Variants in EIF3H observed in about 807,000 individuals in gnomAD.
EIF3H encodes eIF-3-gamma.
Under a neutral mutation model 44.2 loss-of-function variants are expected in EIF3H, and 26 were observed. The observed-to-expected ratio is 0.59, with a 90% CI of 0.43 to 0.82. The LOEUF is 0.82. Ranked by LOEUF, EIF3H falls within the 40% of genes least tolerant of loss-of-function variation. The pLI, the probability that EIF3H is intolerant of heterozygous loss-of-function variation, is 0.00. For missense variants in EIF3H, 359 were observed against 432.8 expected (o/e 0.83, Z 1.51); for synonymous variants, 166 against 151.9 (o/e 1.09, Z -0.68).
intron 2 of EIF3H, among the ~76,000 whole-genome samples, chr8:116,684,730 C>A (rs535749337): frequency 6.6e-6 from 1 of 152,236 alleles, no homozygotes; most frequent in South Asian, 2.1e-4. Context: ...TTGAACTGTA[C>A]ACATACACTA....
At chr8:116,697,274 T>A (rs1277138876) in intron 2 of EIF3H, 1 of 441,692 alleles carries the variant, frequency 2.3e-6, no homozygotes, top group Non-Finnish European at 4.5e-6. Flanking sequence ...AAGAATAGAT[T>A]TTTAGGGGTT....
chr8:116,668,457 A>C (rs561762187), intron 2 of EIF3H, among the ~76,000 whole-genome samples: 1 of 152,324 alleles, frequency 6.6e-6, no homozygotes, highest in East Asian at 1.9e-4. Flanking sequence ...ACAATGTTAA[A>C]GAAGTACATA....
chr8:116,647,032 A>G (rs969532897), intron 6 of EIF3H, among the ~76,000 whole-genome samples: 1 of 152,188 alleles, frequency 6.6e-6, no homozygotes, highest in African/African-American at 2.4e-5. Context: ...ACCTAAAATA[A>G]CAATACAGAT....
intron 2 of EIF3H, among the ~76,000 whole-genome samples, chr8:116,701,677 A>G (rs913720916): frequency 2.0e-5 from 3 of 152,228 alleles, no homozygotes; most frequent in Non-Finnish European, 4.4e-5. Context: ...TCTTCCCTAC[A>G]ATCATGAGAA....
chr8:116,734,240 G>T, intron 1 of EIF3H: 1 of 454,036 alleles, frequency 2.2e-6, no homozygotes, highest in South Asian at 1.6e-5. Context: ...TAAGAAAAGG[G>T]GAAATGTAAC....
chr8:116,687,094 A>G (rs1409049442), intron 2 of EIF3H, among the ~76,000 whole-genome samples: 1 of 152,176 alleles, frequency 6.6e-6, no homozygotes, highest in East Asian at 1.9e-4. Context: ...ACTAAAAAGG[A>G]AAAGACTTGG....
In EIF3H at chr8:116,648,769, G is replaced by A. The variant is rs371761192; in HGVS notation, c.828+37C>T. The A allele has an allele frequency of 7.7e-5, 119 of 1,550,338 alleles. No individual in the cohort carries two copies. The African/African-American group carries it at 1.5e-3, about 20-fold the overall frequency. On this transcript the variant is annotated intron_variant, in intron 6 of 7. Coordinates refer to ENST00000521861, the MANE Select transcript of EIF3H (RefSeq NM_003756.3). ...TGACTCTTGAAATACATGAAACTTAGAAATAGCTGTTTGTTGAATTTTTCC... is the reference window on the plus strand; with the variant it reads ...TGACTCTTGAAATACATGAAACTTAAAAATAGCTGTTTGTTGAATTTTTCC...
At chr8:116,658,061 G>A (rs998315558) in intron 3 of EIF3H, among the ~76,000 whole-genome samples, 11 of 152,196 alleles carry the variant, frequency 7.2e-5, no homozygotes, top group Non-Finnish European at 1.5e-4. Context: ...ATTCATCAAG[G>A]TCTGATGATG....
At chr8:116,714,324 G>A (rs1329063942) in intron 2 of EIF3H, among the ~76,000 whole-genome samples, 4 of 151,982 alleles carry the variant, frequency 2.6e-5, no homozygotes, top group Non-Finnish European at 4.4e-5. Flanking sequence ...TCCCCGAAAG[G>A]AATTAGTGGC....
intron 7 of EIF3H, among the ~76,000 whole-genome samples, 194 bp downstream of exon 7, chr8:116,646,277 G>A (rs1813297205): frequency 6.6e-6 from 1 of 152,138 alleles, no homozygotes; most frequent in Admixed American, 6.5e-5. Flanking sequence ...GCACTGAAAG[G>A]ACCTGGACAA....
At chr8:116,738,974 G>A (rs1233639084) in intron 1 of EIF3H, among the ~76,000 whole-genome samples, 1 of 152,180 alleles carries the variant, frequency 6.6e-6, no homozygotes, top group African/African-American at 2.4e-5. Flanking sequence ...GTTGGGAACA[G>A]GCCCCAAAAT....
At position 116,670,824 on chromosome 8, in the gene EIF3H, A is replaced by G. The variant is rs201093410; in HGVS notation, c.290-11844T>C. Among the ~76,000 whole-genome samples the G allele has an allele frequency of 8.3e-4, 126 of 152,318 alleles. 1 individual carries two copies. The highest frequency in any genetic ancestry group is 1.6e-3 in the Non-Finnish European group (107 of 68,020). ...AACCAACAATCCTGTTACTTTTTGC[A>G]GTTTTTACACACAGATCTCTTGAAG... On this transcript the variant is annotated intron_variant, in intron 2 of 7. Coordinates refer to ENST00000521861, the MANE Select transcript of EIF3H (RefSeq NM_003756.3).
At chr8:116,668,342 C>G (rs1209525975) in intron 2 of EIF3H, among the ~76,000 whole-genome samples, 1 of 152,138 alleles carries the variant, frequency 6.6e-6, no homozygotes, top group South Asian at 2.1e-4. Context: ...AAAATGGTAA[C>G]GGAATTGTTC....
At chr8:116,752,010 TAAACC>T (rs1461221408) in intron 1 of EIF3H, among the ~76,000 whole-genome samples, 2 of 151,932 alleles carry the variant, frequency 1.3e-5, no homozygotes, top group Non-Finnish European at 2.9e-5. Context: ...AGCCAAAACC[TAAACC>T]ATGAGGCACT....
intron 2 of EIF3H, 69 bp downstream of exon 2, chr8:116,725,947 T>A: frequency 6.7e-7 from 1 of 1,499,618 alleles, no homozygotes; most frequent in Non-Finnish European, 9.0e-7. Flanking sequence ...TATCAAAAGT[T>A]ATGGTGAGAC....
At chr8:116,659,124 G>C in intron 2 of EIF3H, 144 bp from the exon 3 acceptor site, 1 of 677,862 alleles carries the variant, frequency 1.5e-6, no homozygotes, top group Non-Finnish European at 2.3e-6. Context: ...AATTCATTCA[G>C]TTCACATATA....
In EIF3H at chr8:116,743,821, C is replaced by A. The variant is rs1394612789; in HGVS notation, c.132+11845G>T. 2.2e-3 allele frequency among the ~76,000 whole-genome samples: 274 copies of A among 124,186 alleles called. 2 individuals are homozygous for A. The highest frequency in any genetic ancestry group is 7.4e-3 in the African/African-American group (225 of 30,594). 81.5% of individuals were successfully genotyped at this position (124,186 alleles called of 152,430 possible). A position where few individuals can be genotyped will look rare whatever the true frequency, so the allele number is the denominator to read the frequency against. ...ATAAACACACACACACACACACACA[C>A]ACACACACACACACACATATATAAA... On this transcript the variant is annotated intron_variant, in intron 1 of 7. Transcript: ENST00000521861.
intron 1 of EIF3H, among the ~76,000 whole-genome samples, chr8:116,750,764 C>G (rs1488410410): frequency 1.3e-5 from 2 of 151,932 alleles, no homozygotes; most frequent in South Asian, 2.1e-4. Flanking sequence ...CTGGAATGTA[C>G]AGTTCCTACA....
rs555836043 is a variant in EIF3H, at chr8:116,677,077, A to G, written c.290-18097T>C. 3.3e-5 allele frequency among the ~76,000 whole-genome samples: 5 copies of G among 152,356 alleles called. No homozygotes were observed. The South Asian group carries it at 1.0e-3, about 32-fold the overall frequency. On this transcript the variant is annotated intron_variant, in intron 2 of 7. Coordinates refer to ENST00000521861, the MANE Select transcript of EIF3H (RefSeq NM_003756.3). ...GAAAGGGGAGAAATTCCTGATAGCA[A>G]TCTAAAACACTGTAAAGACTCCAAA...
Sources: gnomAD v4.1 joint callset for allele counts (sites outside exome capture counted in the v4.1 genomes callset) on GRCh38, gnomAD v4.1.1 for gene constraint, MANE v1.5 for transcripts, NCBI Gene and HGNC (gene_info 2026-07-23, HGNC 2026-07-21) for gene names.